ANKS6: variants seen among roughly 807,000 people sequenced by gnomAD.
ANKS6 encodes the protein ankyrin repeat and sterile alpha motif domain containing 6, also known as ankyrin repeat and SAM domain-containing protein 6.
ANKS6 carries 47 observed loss-of-function variants against 77.9 expected under a neutral mutation model. The ratio of observed to expected loss-of-function variants is 0.60; its 90% CI spans 0.48 to 0.77. The LOEUF (loss-of-function observed/expected upper bound fraction) is 0.77. Ranked by LOEUF, ANKS6 falls within the 30% of genes least tolerant of loss-of-function variation. The pLI is 0.00. For synonymous variants in ANKS6, 488 were observed against 501.7 expected (o/e 0.97, Z 0.37); for missense variants, 1,150 against 1,159.1 (o/e 0.99, Z 0.11).
At chr9:98,767,439 C>G (rs1186514426) in intron 11 of ANKS6, among the ~76,000 whole-genome samples, 1 of 152,180 alleles carries the variant, frequency 6.6e-6, no homozygotes, top group Admixed American at 6.5e-5. Context: ...TAGGGCCCCC[C>G]ACCTGTGCCC....
Position 98,735,517 on chromosome 9 carries a change from G to C in ANKS6, c.*1002C>G, listed in dbSNP as rs1382688730. On this transcript the variant is annotated 3_prime_UTR_variant, in exon 15 of 15. Coordinates refer to ENST00000353234, the MANE Select transcript of ANKS6 (RefSeq NM_173551.5). ...CTTTTGAGGAACACAGCATTAATAG[G>C]ATGTAGACAAAATTCCAAATTTTCA... The C allele has an allele frequency of 7.3e-6, 9 of 1,229,342 alleles. No homozygotes were observed. The Admixed American group carries it at 3.8e-4, about 52-fold the overall frequency. 76.2% of individuals were successfully genotyped at this position (1,229,342 alleles called of 1,614,324 possible).
intron 1 of ANKS6, among the ~76,000 whole-genome samples, chr9:98,794,291 C>T (rs1835062697): frequency 6.6e-6 from 1 of 152,122 alleles, no homozygotes. Flanking sequence ...TAGATGCTTG[C>T]TCAGACCCAG....
At chr9:98,752,091 CACAAACAA>C (rs5899357) in intron 12 of ANKS6, among the ~76,000 whole-genome samples, 6 of 151,064 alleles carry the variant, frequency 4.0e-5, no homozygotes, top group South Asian at 2.1e-4. Flanking sequence ...AAGACCCTGT[CACAAACAA>C]ACAAACAAAC....
At chr9:98,776,341 C>T (rs951133898) in intron 8 of ANKS6, among the ~76,000 whole-genome samples, 2 of 151,500 alleles carry the variant, frequency 1.3e-5, no homozygotes, top group Admixed American at 1.3e-4. Flanking sequence ...CCACTTGGAA[C>T]AAAGACTTCA....
At position 98,733,112 on chromosome 9, in the gene ANKS6, T is replaced by C. The variant is rs1831291377; in HGVS notation, c.*3407A>G. 14 of 905,222 alleles carry C rather than the reference T, an allele frequency of 1.5e-5. No individual in the cohort carries two copies. The highest frequency in any genetic ancestry group is 1.9e-5 in the Non-Finnish European group (14 of 756,734). The allele number at this position is 905,222 out of a possible 1,614,324, so 56.1% of individuals were successfully genotyped here. ...CCTCTAAGATACTGTGGGGTTCCCTTGAGGGCAGAGAAGTCCTTTTTCATC... is the reference window on the plus strand; with the variant it reads ...CCTCTAAGATACTGTGGGGTTCCCTCGAGGGCAGAGAAGTCCTTTTTCATC... On this transcript the variant is annotated 3_prime_UTR_variant, in exon 15 of 15. Transcript: ENST00000353234.
intron 11 of ANKS6, among the ~76,000 whole-genome samples, chr9:98,758,164 T>C (rs1382568790): frequency 3.3e-5 from 5 of 152,084 alleles, no homozygotes; most frequent in Non-Finnish European, 5.9e-5. Flanking sequence ...CCTATTTATT[T>C]GCTCAATCAT....
rs192140563 is a variant in ANKS6 at position 98,783,737 on chromosome 9, A to T, written c.1112+216T>A. On this transcript the variant is annotated intron_variant, in intron 4 of 14. Transcript: ENST00000353234. ...TGCATGGTTTTTCAGGGCCATTGTG[A>T]AATTCTGTGATGGGGGAACAGGAAA... 2.4e-4 allele frequency: 98 copies of T among 412,292 alleles called. 1 individual carries two copies. Among genetic ancestry groups the T allele is most frequent in the Non-Finnish European group, 3.7e-4 (89 of 240,070 alleles). The allele number at this position is 412,292 out of a possible 1,614,324, so 25.5% of individuals were successfully genotyped here.
At chr9:98,794,923 A>C (rs573023311) in intron 1 of ANKS6, among the ~76,000 whole-genome samples, 4 of 152,128 alleles carry the variant, frequency 2.6e-5, no homozygotes, top group Non-Finnish European at 5.9e-5. Context: ...GCACTTAGAC[A>C]AGCATCCTGG....
intron 4 of ANKS6, among the ~76,000 whole-genome samples, chr9:98,783,048 T>G (rs987043194): frequency 6.7e-6 from 1 of 148,258 alleles, no homozygotes; most frequent in Non-Finnish European, 1.5e-5. Flanking sequence ...ATCACGCTAC[T>G]GCACTCCAGT....
At position 98,735,855 on chromosome 9, in the gene ANKS6, A is replaced by C. The variant is rs1588307266; in HGVS notation, c.*664T>G. 1.6e-6 allele frequency: 2 copies of C among 1,231,826 alleles called. No homozygotes were observed. Among genetic ancestry groups the C allele is most frequent in the East Asian group, 6.3e-5 (2 of 31,704 alleles). 76.3% of individuals were successfully genotyped at this position (1,231,826 alleles called of 1,614,324 possible). A position where few individuals can be genotyped will look rare whatever the true frequency, so the allele number is the denominator to read the frequency against. ...AGCAGGTGCAGTGGAATGCTACAGC[A>C]GTCACATACACAGCACTAAGGGACC... is the stretch of plus-strand genomic sequence containing the variant. On this transcript the variant is annotated 3_prime_UTR_variant, in exon 15 of 15. Transcript: ENST00000353234.
chr9:98,735,018 G>A lies in ANKS6; in HGVS notation c.*1501C>T, dbSNP rs1225627968. The stretch of plus-strand genomic sequence containing the variant: ...CCTCTGAAAGCCAGCATAGGGGAAT[G>A]GGCTTTCATGGCTGGGGGAGGGACA... On this transcript the variant is annotated 3_prime_UTR_variant, in exon 15 of 15. Coordinates refer to ENST00000353234, the MANE Select transcript of ANKS6 (RefSeq NM_173551.5). 1 of 985,440 alleles carries A rather than the reference G, an allele frequency of 1.0e-6. No individual in the cohort carries two copies. The highest frequency in any genetic ancestry group is 1.2e-6 in the Non-Finnish European group (1 of 829,940). 61.0% of individuals were successfully genotyped at this position (985,440 alleles called of 1,614,324 possible).
At chr9:98,782,184 G>T (rs1388280848) in intron 5 of ANKS6, among the ~76,000 whole-genome samples, 1 of 152,150 alleles carries the variant, frequency 6.6e-6, no homozygotes, top group Admixed American at 6.5e-5. Flanking sequence ...GGTGTGTGTG[G>T]ACTGCAAAGT....
In ANKS6 at chr9:98,784,051, C is replaced by G. The variant is rs1834425161; in HGVS notation, c.1014G>C (p.Gln338His). The G allele has an allele frequency of 1.2e-6, 2 of 1,611,504 alleles. No homozygotes were observed. The highest frequency in any genetic ancestry group is 1.7e-5 in the Admixed American group (1 of 59,634). The change falls in exon 4 of 15, where the codon CAG becomes CAC. Residue 338 changes from glutamine to histidine, a missense_variant. Coordinates refer to ENST00000353234, the MANE Select transcript of ANKS6 (RefSeq NM_173551.5). Reference sequence around the variant, plus strand: ...CCACCAGCAGCTGCACCAGAGCCAGCTGCCCCGTAACAGCTGCTAGCATCA... The same window carrying G: ...CCACCAGCAGCTGCACCAGAGCCAGGTGCCCCGTAACAGCTGCTAGCATCA... ...TPLMLAAVTG[Q>H]LALVQLLVER...
chr9:98,787,166 A>G (rs748171781), intron 2 of ANKS6, among the ~76,000 whole-genome samples: 10 of 152,102 alleles, frequency 6.6e-5, no homozygotes, highest in Non-Finnish European at 1.3e-4. Flanking sequence ...TGGGGCTCCT[A>G]TTATTTATTT....
rs4742741 is a variant in ANKS6 at position 98,777,319 on chromosome 9, G to A, written c.1617+86C>T. 1,029,744 of 1,462,558 alleles carry A rather than the reference G, an allele frequency of 0.7. 368,083 individuals carry two copies. Among genetic ancestry groups the A allele is most frequent in the African/African-American group, 0.75 (54,100 of 71,710 alleles). 90.6% of individuals were successfully genotyped at this position (1,462,558 alleles called of 1,614,324 possible). Reference sequence around the variant, plus strand: ...CCTATCTGTGACCACTACAAAGACAGACAAACACCTACATCCCTCCTTGTA... The same window carrying A: ...CCTATCTGTGACCACTACAAAGACAAACAAACACCTACATCCCTCCTTGTA... On this transcript the variant is annotated intron_variant, in intron 8 of 14. Coordinates refer to ENST00000353234, the MANE Select transcript of ANKS6 (RefSeq NM_173551.5).
Position 98,789,833 on chromosome 9 carries a change from C to G in ANKS6, c.862+271G>C, listed in dbSNP as rs1415689431. On this transcript the variant is annotated intron_variant, in intron 2 of 14. Transcript: ENST00000353234. ...AGAAGGGCCCCAGAACCACCTGCAT[C>G]AGAATGATGTGCTTGGGGAGAGCAG... is the stretch of plus-strand genomic sequence containing the variant. The G allele has an allele frequency of 1.2e-5, 5 of 412,592 alleles. No homozygotes were observed. The East Asian group carries it at 1.8e-4, about 15-fold the overall frequency. The allele number at this position is 412,592 out of a possible 1,614,324, so 25.6% of individuals were successfully genotyped here.
At chr9:98,793,987 TA>T (rs1835045336) in intron 1 of ANKS6, among the ~76,000 whole-genome samples, 1 of 148,994 alleles carries the variant, frequency 6.7e-6, no homozygotes, top group African/African-American at 2.5e-5. Flanking sequence ...CGGTCTCTAC[TA>T]AAAATACAAA....
intron 14 of ANKS6, among the ~76,000 whole-genome samples, chr9:98,739,320 A>C (rs1036097735): frequency 2.0e-4 from 31 of 152,218 alleles, no homozygotes; most frequent in Non-Finnish European, 3.5e-4. Context: ...CAACGAATAG[A>C]AACTGGGCTG....
chr9:98,790,719 G>A, intron 1 of ANKS6, 113 bp from the exon 2 acceptor site: 2 of 1,396,198 alleles, frequency 1.4e-6, no homozygotes, highest in South Asian at 1.4e-5. Context: ...ATGATAAGAG[G>A]TCTTATTCTG....
Sources: allele counts gnomAD v4.1 joint callset (sites outside exome capture counted in the v4.1 genomes callset), GRCh38; gene constraint gnomAD v4.1.1; transcripts MANE v1.5; gene names NCBI Gene and HGNC (gene_info 2026-07-23, HGNC 2026-07-21).